Variants in VWC2L observed in about 807,000 individuals in gnomAD.
VWC2L encodes von Willebrand factor C domain containing 2 like, also known as von Willebrand factor C domain-containing protein 2-like.
A neutral mutation model predicts 21.6 loss-of-function variants in VWC2L; 10 were observed. The ratio of observed to expected loss-of-function variants is 0.46; its 90% CI spans 0.29 to 0.78. The LOEUF (loss-of-function observed/expected upper bound fraction) is 0.78. Ranked by LOEUF, VWC2L falls within the 30% of genes least tolerant of loss-of-function variation. VWC2L has a pLI of 0.10. For missense variants in VWC2L, 209 were observed against 277.1 expected, an observed-to-expected ratio of 0.75 and a Z score of 1.74; for synonymous variants, 96 against 94.3, an observed-to-expected ratio of 1.02 and a Z score of -0.10.
At chr2:214,506,760 CATTT>C (rs1410808046) in intron 3 of VWC2L, among the ~76,000 whole-genome samples, 2 of 152,016 alleles carry the variant, frequency 1.3e-5, no homozygotes, top group African/African-American at 2.4e-5. Context: ...ATTGATCACT[CATTT>C]AGTTAATTAT....
chr2:214,511,193 A>C (rs1464130437), intron 3 of VWC2L, among the ~76,000 whole-genome samples: 1 of 152,182 alleles, frequency 6.6e-6, no homozygotes, highest in African/African-American at 2.4e-5. Context: ...TGAACTCAGA[A>C]GACCAAGGCT....
At position 214,570,486 on chromosome 2, in the gene VWC2L, C is replaced by T. The variant is rs540176469; in HGVS notation, c.521-5186C>T. ...TCAAGAGATCCTTCTGCCTCAGCCT[C>T]CCAAGTAGCTGGGACTGCAGGGGTG... On this transcript the variant is annotated intron_variant, in intron 3 of 3. Transcript: ENST00000312504. 2.0e-5 allele frequency among the ~76,000 whole-genome samples: 3 copies of T among 152,252 alleles called. No homozygotes were observed. In the East Asian group the frequency reaches 5.8e-4, roughly 29 times the overall value.
intron 3 of VWC2L, among the ~76,000 whole-genome samples, chr2:214,560,840 C>T (rs757608578): frequency 2.6e-5 from 4 of 152,194 alleles, no homozygotes; most frequent in Non-Finnish European, 5.9e-5. Flanking sequence ...ACAATAATGA[C>T]AGCTCAAAGG....
chr2:214,437,389 G>A (rs1046092065), intron 3 of VWC2L, among the ~76,000 whole-genome samples: 2 of 152,136 alleles, frequency 1.3e-5, no homozygotes, highest in Admixed American at 1.3e-4. Flanking sequence ...TGGAGAGGTT[G>A]AACCAACTAT....
At chr2:214,437,225 G>A (rs928738339) in intron 3 of VWC2L, among the ~76,000 whole-genome samples, 2 of 152,134 alleles carry the variant, frequency 1.3e-5, no homozygotes, top group African/African-American at 4.8e-5. Flanking sequence ...AATAAAATTA[G>A]CATTGCACTT....
chr2:214,416,226 A>G (rs1230713161), intron 2 of VWC2L, among the ~76,000 whole-genome samples: 2 of 152,108 alleles, frequency 1.3e-5, no homozygotes, highest in East Asian at 1.9e-4. Flanking sequence ...CTCACTATTG[A>G]AAATGCTATA....
At chr2:214,440,281 G>C (rs115672800) in intron 3 of VWC2L, among the ~76,000 whole-genome samples, 1 of 151,962 alleles carries the variant, frequency 6.6e-6, no homozygotes, top group African/African-American at 2.4e-5. Context: ...GAATTGGGGG[G>C]ATTGACATAG....
intron 3 of VWC2L, among the ~76,000 whole-genome samples, chr2:214,454,452 G>C (rs1170753721): frequency 1.3e-5 from 2 of 149,988 alleles, no homozygotes; most frequent in Non-Finnish European, 3.0e-5. Flanking sequence ...CCTTCTAGTA[G>C]TACTTTAGTA....
intron 2 of VWC2L, among the ~76,000 whole-genome samples, chr2:214,427,923 T>G (rs564134563): frequency 6.6e-5 from 10 of 152,322 alleles, no homozygotes; most frequent in African/African-American, 2.4e-4. Flanking sequence ...TCCAATACAG[T>G]ATTTTTGATT....
At chr2:214,521,899 C>T (rs866686608) in intron 3 of VWC2L, among the ~76,000 whole-genome samples, 7 of 152,320 alleles carry the variant, frequency 4.6e-5, no homozygotes, top group Middle Eastern at 6.8e-3. Context: ...AACTTTTGTC[C>T]TTCCTGCATT....
chr2:214,467,245 GT>G lies in VWC2L; in HGVS notation c.520+30489del, dbSNP rs543771672. Among the ~76,000 whole-genome samples the G allele has an allele frequency of 7.2e-5, 11 of 152,224 alleles. No homozygotes were observed. The East Asian group carries it at 2.1e-3, about 29-fold the overall frequency. ...CTTTTCCCAGTCCTATACCCTGTTG[GT>G]TCGTTCCCTAGTGAACAACTTGTTT... On this transcript the variant is annotated intron_variant, in intron 3 of 3. Coordinates refer to ENST00000312504, the MANE Select transcript of VWC2L (RefSeq NM_001080500.4).
chr2:214,571,308 A>G (rs1278281990), intron 3 of VWC2L, among the ~76,000 whole-genome samples: 2 of 152,084 alleles, frequency 1.3e-5, no homozygotes, highest in Non-Finnish European at 2.9e-5. Context: ...CATTTCCTGG[A>G]TGTGTGATTT....
intron 2 of VWC2L, among the ~76,000 whole-genome samples, chr2:214,424,376 G>C (rs1303091458): frequency 6.6e-6 from 1 of 152,106 alleles, no homozygotes; most frequent in Non-Finnish European, 1.5e-5. Context: ...TGAAAGTTAG[G>C]TTTGTTTGAG....
At chr2:214,498,634 T>A (rs1422882928) in intron 3 of VWC2L, among the ~76,000 whole-genome samples, 1 of 150,078 alleles carries the variant, frequency 6.7e-6, no homozygotes, top group African/African-American at 2.4e-5. Context: ...AAGTTATATC[T>A]CTATATGTAT....
At chr2:214,433,189 A>G (rs976306617) in intron 2 of VWC2L, among the ~76,000 whole-genome samples, 3 of 146,556 alleles carry the variant, frequency 2.0e-5, no homozygotes, top group Non-Finnish European at 4.5e-5. Flanking sequence ...TATATTATAT[A>G]TAAATATATG....
intron 3 of VWC2L, among the ~76,000 whole-genome samples, chr2:214,499,894 T>G (rs1325221065): frequency 6.6e-6 from 1 of 152,118 alleles, no homozygotes; most frequent in African/African-American, 2.4e-5. Context: ...AAGCCAATCA[T>G]AAAACAAAAA....
intron 3 of VWC2L, among the ~76,000 whole-genome samples, chr2:214,535,108 C>G (rs1181060862): frequency 2.6e-5 from 4 of 152,052 alleles, no homozygotes; most frequent in African/African-American, 9.7e-5. Context: ...GAGTTTGCTT[C>G]CTCCAAGCTG....
intron 3 of VWC2L, among the ~76,000 whole-genome samples, chr2:214,547,446 G>T (rs1168174480): frequency 2.0e-5 from 3 of 152,172 alleles, no homozygotes; most frequent in Non-Finnish European, 4.4e-5. Context: ...AGGGCTGAAA[G>T]GGTAGAAGAT....
At chr2:214,462,819 C>A (rs1703161800) in intron 3 of VWC2L, among the ~76,000 whole-genome samples, 1 of 152,090 alleles carries the variant, frequency 6.6e-6, no homozygotes, top group Non-Finnish European at 1.5e-5. Flanking sequence ...TATCATTCTG[C>A]AAATTTTGAT....
Sources: gnomAD v4.1 joint callset for allele counts (sites outside exome capture counted in the v4.1 genomes callset) on GRCh38, gnomAD v4.1.1 for gene constraint, MANE v1.5 for transcripts, NCBI Gene and HGNC (gene_info 2026-07-23, HGNC 2026-07-21) for gene names.